The following N4BP2 variants were observed in gnomAD, a reference collection of about 807,000 sequenced individuals.
N4BP2 encodes the protein NEDD4-binding protein 2.
A neutral mutation model predicts 152.8 loss-of-function variants in N4BP2; 91 were observed. The observed-to-expected ratio is 0.60, with a 90% confidence interval of 0.50 to 0.71. The LOEUF is 0.71. Ranked by LOEUF, N4BP2 falls within the 30% of genes least tolerant of loss-of-function variation. N4BP2 has a pLI of 0.00. For missense variants in N4BP2, 1,923 were observed against 2,059.1 expected (o/e 0.93, Z 1.28); for synonymous variants, 646 against 705.3 (o/e 0.92, Z 1.33).
Position 40,157,977 on chromosome 4 carries a change from A to T in N4BP2, c.*3740A>T, listed in dbSNP as rs1721732790. ...CCTTAAAGTTGAGCAATTGACTTTT[A>T]TGGTCCAATGATGAACTTATTATTA... On this transcript the variant is annotated 3_prime_UTR_variant, in exon 18 of 18. Coordinates refer to ENST00000261435, the MANE Select transcript of N4BP2 (RefSeq NM_018177.6). 1 of 152,186 alleles carries T rather than the reference A, an allele frequency of 6.6e-6. No individual in the cohort carries two copies. Among genetic ancestry groups the T allele is most frequent in the Non-Finnish European group, 1.5e-5 (1 of 68,020 alleles). The allele number at this position is 152,186 out of a possible 1,614,324, so 9.4% of individuals were successfully genotyped here.
At chr4:40,152,615 G>A (rs990345166) in intron 16 of N4BP2, among the ~76,000 whole-genome samples, 165 bp from the exon 17 acceptor site, 5 of 152,038 alleles carry the variant, frequency 3.3e-5, no homozygotes, top group African/African-American at 1.2e-4. Context: ...ATTAATTTGG[G>A]GGCTTTTTGA....
At position 40,137,096 on chromosome 4, in the gene N4BP2, A is replaced by T; in HGVS notation, c.4785+14A>T. ...AAAGAGAAAAAGGTATGGAGTTACT[A>T]ATTTTTTTTCTACAAGGGTAGATAA... is the stretch of plus-strand genomic sequence containing the variant. On this transcript the variant is annotated intron_variant, in intron 14 of 17. Transcript: ENST00000261435. 6.3e-7 allele frequency: 1 copy of T among 1,590,012 alleles called. No homozygotes were observed. Among genetic ancestry groups the T allele is most frequent in the Non-Finnish European group, 8.6e-7 (1 of 1,168,554 alleles).
chr4:40,183,206 C>A, the N4BP2 span, among the ~76,000 whole-genome samples: 1 of 152,152 alleles, frequency 6.6e-6, no homozygotes, highest in Non-Finnish European at 1.5e-5. Context: ...TATGTGGTCA[C>A]ATGATCTTCC....
chr4:40,126,717 C>T lies in N4BP2; in HGVS notation c.4527+387C>T, dbSNP rs148391550. 2.7e-3 allele frequency among the ~76,000 whole-genome samples: 412 copies of T among 152,166 alleles called. 2 individuals are homozygous for T. In the Middle Eastern group the frequency reaches 0.031, roughly 11 times the overall value. On this transcript the variant is annotated intron_variant, in intron 12 of 17. Transcript: ENST00000261435. The stretch of plus-strand genomic sequence containing the variant: ...ACCTCCAGGGCTCAAGTGATCCTCC[C>T]ACCTCAGCCTCCTGAGTAACAGGGA...
rs149248582 is a variant in N4BP2 at position 40,107,084 on chromosome 4, T to G, written c.1498+60T>G. On this transcript the variant is annotated intron_variant, in intron 5 of 17. Coordinates refer to ENST00000261435, the MANE Select transcript of N4BP2 (RefSeq NM_018177.6). ...TGAGTAATACAAAGAAAAAATTCACTTAGTATTTGTTTGTGTGTTTGTTTT... is the reference window on the plus strand; with the variant it reads ...TGAGTAATACAAAGAAAAAATTCACGTAGTATTTGTTTGTGTGTTTGTTTT... The G allele has an allele frequency of 1.1e-4, 170 of 1,555,106 alleles. No homozygotes were observed. The African/African-American group carries it at 2.2e-3, about 20-fold the overall frequency.
Position 40,117,871 on chromosome 4 carries a change from G to C in N4BP2, c.1667G>C (p.Arg556Pro). 6.3e-7 allele frequency: 1 copy of C among 1,596,154 alleles called. No homozygotes were observed. The highest frequency in any genetic ancestry group is 8.5e-7 in the Non-Finnish European group (1 of 1,172,274). ...WKFKPKELAR[R>P]NIHGVSKEKI... ...CTTTTTTCCCCTGGAATTTTCAGGC[G>C]TAACATTCATGGGGTAAGCAAAGAA... is the stretch of plus-strand genomic sequence containing the variant. The change falls in exon 8 of 18, where the codon CGT becomes CCT. Residue 556 changes from arginine (R) to proline (P), a missense_variant and splice_region_variant. Arg to Pro is a moderately radical substitution (Grantham distance 103). Transcript: ENST00000261435.
At chr4:40,177,172 T>C in the N4BP2 span, among the ~76,000 whole-genome samples, 1 of 152,168 alleles carries the variant, frequency 6.6e-6, no homozygotes, top group African/African-American at 2.4e-5. Context: ...AGCTCAACTC[T>C]GAACACAGAA....
chr4:40,174,476 G>C, the N4BP2 span, among the ~76,000 whole-genome samples: 1 of 152,084 alleles, frequency 6.6e-6, no homozygotes, highest in Non-Finnish European at 1.5e-5. Context: ...CCAGGATGTG[G>C]AAACAACCTA....
chr4:40,123,392 C>CTT (rs149517277), intron 10 of N4BP2, among the ~76,000 whole-genome samples, 180 bp downstream of exon 10: 63 of 151,730 alleles, frequency 4.2e-4, no homozygotes, highest in African/African-American at 1.5e-3. Flanking sequence ...AGATTACTGT[C>CTT]TTTTTTTTTC....
chr4:40,075,073 A>G (rs1314827165), intron 2 of N4BP2, among the ~76,000 whole-genome samples: 1 of 152,082 alleles, frequency 6.6e-6, no homozygotes, highest in African/African-American at 2.4e-5. Flanking sequence ...ACATATTGTT[A>G]GCCATCCATA....
chr4:40,155,439 A>C lies in N4BP2; in HGVS notation c.*1202A>C, dbSNP rs1721527099. 6.6e-6 allele frequency: 1 copy of C among 152,168 alleles called. No individual in the cohort carries two copies. Among genetic ancestry groups the C allele is most frequent in the Admixed American group, 6.5e-5 (1 of 15,272 alleles). 9.4% of individuals were successfully genotyped at this position (152,168 alleles called of 1,614,324 possible). A position where few individuals can be genotyped will look rare whatever the true frequency, so the allele number is the denominator to read the frequency against. On this transcript the variant is annotated 3_prime_UTR_variant, in exon 18 of 18. Coordinates refer to ENST00000261435, the MANE Select transcript of N4BP2 (RefSeq NM_018177.6). The stretch of plus-strand genomic sequence containing the variant: ...AAAAAGAGAAAATATTTTGGTTATA[A>C]TCATAAGAAGAATCCTTACAATTTA...
At chr4:40,104,326 C>CT (rs1716034956) in intron 4 of N4BP2, among the ~76,000 whole-genome samples, 1 of 149,856 alleles carries the variant, frequency 6.7e-6, no homozygotes, top group Non-Finnish European at 1.5e-5. Flanking sequence ...AGTTGGGTCT[C>CT]TATTTGATCC....
rs559252757 is a variant in N4BP2, at chr4:40,089,144, G to T, written c.-114-8083G>T. ...TGTTTTCTATTTTTTCATAGAGACA[G>T]GGTCTCACTATTTTGTCTAGGCTGG... On this transcript the variant is annotated intron_variant, in intron 2 of 17. Coordinates refer to ENST00000261435, the MANE Select transcript of N4BP2 (RefSeq NM_018177.6). Among the ~76,000 whole-genome samples, 192 of 151,340 alleles carry T rather than the reference G, an allele frequency of 1.3e-3. 1 individual carries two copies. Among genetic ancestry groups the T allele is most frequent in the African/African-American group, 4.3e-3 (177 of 41,222 alleles).
At chr4:40,146,545 A>C (rs1720535333) in intron 16 of N4BP2, among the ~76,000 whole-genome samples, 1 of 152,172 alleles carries the variant, frequency 6.6e-6, no homozygotes, top group South Asian at 2.1e-4. Context: ...TTTTTTGACA[A>C]ATAAGATTGT....
At chr4:40,072,537 C>G (rs1405655605) in intron 1 of N4BP2, among the ~76,000 whole-genome samples, 3 of 151,794 alleles carry the variant, frequency 2.0e-5, no homozygotes, top group Admixed American at 2.0e-4. Flanking sequence ...AGCCACCGCG[C>G]TCGGCCCACC....
rs1379733674 is a variant in N4BP2 at position 40,120,173 on chromosome 4, T to C, written c.2062T>C (p.Ser688Pro). ...LETPHMYFSD[S>P]ESKLQATDKS... Reference sequence around the variant, plus strand: ...AACTCCACACATGTATTTTTCTGACTCTGAAAGCAAACTACAGGCAACAGA... The same window carrying C: ...AACTCCACACATGTATTTTTCTGACCCTGAAAGCAAACTACAGGCAACAGA... The change falls in exon 9 of 18, where the codon TCT becomes CCT. Residue 688 changes from serine (S) to proline (P), a missense_variant. Coordinates refer to ENST00000261435, the MANE Select transcript of N4BP2 (RefSeq NM_018177.6). 1.2e-6 allele frequency: 2 copies of C among 1,613,598 alleles called. No homozygotes were observed. Among genetic ancestry groups the C allele is most frequent in the Non-Finnish European group, 8.5e-7 (1 of 1,179,912 alleles).
intron 12 of N4BP2, among the ~76,000 whole-genome samples, chr4:40,126,970 G>A (rs372864311): frequency 5.3e-5 from 8 of 152,088 alleles, no homozygotes; most frequent in East Asian, 3.9e-4. Context: ...TGTTGGCCAG[G>A]CTGGTCTCAA....
At chr4:40,088,961 G>GTT (rs763701290) in intron 2 of N4BP2, among the ~76,000 whole-genome samples, 1 of 151,524 alleles carries the variant, frequency 6.6e-6, no homozygotes, top group African/African-American at 2.4e-5. Context: ...TTTTGTGTGT[G>GTT]TTTTTTTGAA....
chr4:40,126,017 C>T, intron 11 of N4BP2, 117 bp from the exon 12 acceptor site: 5 of 573,130 alleles, frequency 8.7e-6, no homozygotes, highest in South Asian at 5.1e-5. Context: ...GTTATATTTA[C>T]AAACTGAAAA....
Sources: allele counts gnomAD v4.1 joint callset (sites outside exome capture counted in the v4.1 genomes callset), GRCh38; gene constraint gnomAD v4.1.1; transcripts MANE v1.5; gene names NCBI Gene and HGNC (gene_info 2026-07-23, HGNC 2026-07-21).